FA2H: variants seen among roughly 807,000 people sequenced by gnomAD.
FA2H encodes the protein fatty acid 2-hydroxylase, also known as fatty acid alpha-hydroxylase.
A neutral mutation model predicts 44.9 loss-of-function variants in FA2H; 22 were observed. The ratio of observed to expected loss-of-function variants is 0.49; its 90% CI spans 0.35 to 0.70. The LOEUF is 0.70. Ranked by LOEUF, FA2H falls within the 30% of genes least tolerant of loss-of-function variation. FA2H has a pLI of 0.01. For missense variants in FA2H, 501 were observed against 504.9 expected, an observed-to-expected ratio of 0.99 and a Z score of 0.07; for synonymous variants, 243 against 213.2, an observed-to-expected ratio of 1.14 and a Z score of -1.22.
At chr16:74,716,273 A>T in intron 6 of FA2H, 74 bp downstream of exon 6, 1 of 1,555,502 alleles carries the variant, frequency 6.4e-7, no homozygotes. Context: ...TGCCGTTCCC[A>T]GGAGCTCGAT....
At chr16:74,747,099 T>C (rs1052738762) in intron 1 of FA2H, among the ~76,000 whole-genome samples, 5 of 151,996 alleles carry the variant, frequency 3.3e-5, no homozygotes, top group African/African-American at 1.2e-4. Flanking sequence ...TCACCTGAGG[T>C]CAGGAGTTTG....
chr16:74,722,911 CAAAAAAAAA>C (rs554074212), intron 4 of FA2H, among the ~76,000 whole-genome samples: 1 of 112,258 alleles, frequency 8.9e-6, no homozygotes. Context: ...AACTCCATCT[CAAAAAAAAA>C]AAAAAAAAAA....
intron 1 of FA2H, among the ~76,000 whole-genome samples, chr16:74,749,511 G>GAACAAAAAGACAGTCTT (rs1962491797): frequency 6.6e-6 from 1 of 152,198 alleles, no homozygotes; most frequent in Non-Finnish European, 1.5e-5. Flanking sequence ...GGTGTGTGGA[G>GAACAAAAAGACAGTCTT]AACAAAAAGA....
chr16:74,746,126 G>T (rs746560017), intron 1 of FA2H, among the ~76,000 whole-genome samples: 1 of 151,998 alleles, frequency 6.6e-6, no homozygotes. Flanking sequence ...TATCAAGGAG[G>T]CTGCAGGGAA....
chr16:74,745,138 T>C (rs766222142), intron 1 of FA2H, among the ~76,000 whole-genome samples: 1 of 152,160 alleles, frequency 6.6e-6, no homozygotes, highest in East Asian at 1.9e-4. Context: ...CCTCTCTGCC[T>C]TGGGAAGGTA....
chr16:74,760,720 C>A (rs1962692574), intron 1 of FA2H, among the ~76,000 whole-genome samples: 1 of 152,216 alleles, frequency 6.6e-6, no homozygotes, highest in African/African-American at 2.4e-5. Flanking sequence ...TCTTCAGAGG[C>A]CTGACTTCAG....
At chr16:74,773,016 T>C (rs1464297286) in intron 1 of FA2H, among the ~76,000 whole-genome samples, 1 of 152,008 alleles carries the variant, frequency 6.6e-6, no homozygotes, top group Non-Finnish European at 1.5e-5. Flanking sequence ...GCTAGAATTA[T>C]AGCCACATGC....
chr16:74,766,555 G>A lies in FA2H; in HGVS notation c.270+7931C>T, dbSNP rs1228619595. On this transcript the variant is annotated intron_variant, in intron 1 of 6. Transcript: ENST00000219368. ...GACAATGGGGAACAGAGGAAGACCT[G>A]CCCAAGAGACTGCGACAATAGTGAG... is the stretch of plus-strand genomic sequence containing the variant. Among the ~76,000 whole-genome samples, 3 of 152,072 alleles carry A rather than the reference G, an allele frequency of 2.0e-5. No individual in the cohort carries two copies. The East Asian group carries it at 5.8e-4, about 29-fold the overall frequency.
At position 74,714,152 on chromosome 16, in the gene FA2H, G is replaced by A. The variant is rs373162068; in HGVS notation, c.*38C>T. ...GCGGGTGGGGGTCGGGAAGGGGCCA[G>A]GGCCGGGCTGAGGGCAGGACGGAGG... On this transcript the variant is annotated 3_prime_UTR_variant, in exon 7 of 7. Transcript: ENST00000219368. 7.9e-6 allele frequency: 11 copies of A among 1,395,518 alleles called. No individual in the cohort carries two copies. The East Asian group carries it at 1.2e-4, about 16-fold the overall frequency. 86.4% of individuals were successfully genotyped at this position (1,395,518 alleles called of 1,614,324 possible).
intron 2 of FA2H, among the ~76,000 whole-genome samples, chr16:74,729,999 T>C (rs1962042188): frequency 6.6e-6 from 1 of 152,000 alleles, no homozygotes; most frequent in African/African-American, 2.4e-5. Flanking sequence ...CAGCCATCAG[T>C]GATTCCAGAA....
intron 2 of FA2H, among the ~76,000 whole-genome samples, chr16:74,728,485 T>C (rs925085778): frequency 6.6e-6 from 1 of 152,062 alleles, no homozygotes; most frequent in South Asian, 2.1e-4. Flanking sequence ...GAGGAAAGGA[T>C]GACAGGGAGT....
At chr16:74,737,921 T>A (rs575185913) in intron 2 of FA2H, among the ~76,000 whole-genome samples, 5 of 152,360 alleles carry the variant, frequency 3.3e-5, no homozygotes, top group African/African-American at 1.2e-4. Context: ...CCAGCCTCTC[T>A]GTTCCCACTA....
At chr16:74,763,983 T>C (rs35456018) in intron 1 of FA2H, among the ~76,000 whole-genome samples, 31,845 of 152,228 alleles carry the variant, frequency 0.21, 4,280 homozygotes, top group Non-Finnish European at 0.3. Flanking sequence ...CTGAAGTTAT[T>C]TGGATAATAG....
chr16:74,750,633 A>G (rs956488254), intron 1 of FA2H, among the ~76,000 whole-genome samples: 1 of 152,180 alleles, frequency 6.6e-6, no homozygotes, highest in Non-Finnish European at 1.5e-5. Flanking sequence ...ATGCCTGGCC[A>G]TGCAATCTCC....
At position 74,744,744 on chromosome 16, in the gene FA2H, G is replaced by A. The variant is rs376155259; in HGVS notation, c.271-4629C>T. Among the ~76,000 whole-genome samples the A allele has an allele frequency of 1.7e-4, 26 of 152,224 alleles. No individual in the cohort carries two copies. In the South Asian group the frequency reaches 4.6e-3, roughly 27 times the overall value. ...TGGGACTATAGGTGTGCACCACCATGTCCACCAAATTTTTTATTTTTTATA... is the reference window on the plus strand; with the variant it reads ...TGGGACTATAGGTGTGCACCACCATATCCACCAAATTTTTTATTTTTTATA... On this transcript the variant is annotated intron_variant, in intron 1 of 6. Coordinates refer to ENST00000219368, the MANE Select transcript of FA2H (RefSeq NM_024306.5).
At chr16:74,754,810 G>A (rs1006317027) in intron 1 of FA2H, among the ~76,000 whole-genome samples, 1 of 151,800 alleles carries the variant, frequency 6.6e-6, no homozygotes, top group Non-Finnish European at 1.5e-5. Context: ...TTACATGCCT[G>A]AGCCACCACC....
intron 1 of FA2H, among the ~76,000 whole-genome samples, chr16:74,751,496 C>T (rs1339756654): frequency 2.0e-5 from 3 of 152,056 alleles, no homozygotes; most frequent in Non-Finnish European, 4.4e-5. Flanking sequence ...CTATGTGTTA[C>T]ACTCGTCACC....
chr16:74,723,828 G>A (rs191653814), intron 4 of FA2H, among the ~76,000 whole-genome samples: 10 of 152,300 alleles, frequency 6.6e-5, no homozygotes, highest in Admixed American at 4.6e-4. Context: ...TTGGAGGGGT[G>A]TAGTTAGGAT....
At chr16:74,767,125 A>G (rs764267050) in intron 1 of FA2H, among the ~76,000 whole-genome samples, 10 of 152,166 alleles carry the variant, frequency 6.6e-5, no homozygotes, top group East Asian at 1.9e-4. Flanking sequence ...CCTGGCCAAC[A>G]TAGTGAAACC....
Sources: gnomAD v4.1 joint callset for allele counts (sites outside exome capture counted in the v4.1 genomes callset) on GRCh38, gnomAD v4.1.1 for gene constraint, MANE v1.5 for transcripts, NCBI Gene and HGNC (gene_info 2026-07-23, HGNC 2026-07-21) for gene names.